Variants in GPC6 observed in about 807,000 individuals in gnomAD.
GPC6 encodes the protein glypican-6.
Under a neutral mutation model 55.2 loss-of-function variants are expected in GPC6, and 14 were observed. The observed-to-expected ratio is 0.25, with a 90% confidence interval of 0.17 to 0.40. The LOEUF (loss-of-function observed/expected upper bound fraction) is 0.40, where lower values mean the gene tolerates loss of function less well. Ranked by LOEUF, GPC6 falls within the 10% of genes least tolerant of loss-of-function variation. The pLI is 1.00. For missense variants in GPC6, 641 were observed against 708.5 expected (o/e 0.90, Z 1.08); for synonymous variants, 278 against 259.6 (o/e 1.07, Z -0.68).
chr13:94,329,605 G>T (rs1273851157), intron 6 of GPC6, among the ~76,000 whole-genome samples: 1 of 152,136 alleles, frequency 6.6e-6, no homozygotes, highest in African/African-American at 2.4e-5. Context: ...GAAAACTGTG[G>T]TTGAACAATT....
intron 1 of GPC6, among the ~76,000 whole-genome samples, chr13:93,454,922 C>T (rs1229688986): frequency 6.6e-6 from 1 of 152,374 alleles, no homozygotes; most frequent in East Asian, 1.9e-4. Context: ...AGGTCCCGAG[C>T]CCTGTCCCGC....
intron 6 of GPC6, among the ~76,000 whole-genome samples, chr13:94,309,604 A>G (rs893259118): frequency 6.6e-6 from 1 of 152,194 alleles, no homozygotes; most frequent in Non-Finnish European, 1.5e-5. Context: ...CATAAGAAGC[A>G]GTTGAGGTAG....
Position 94,204,277 on chromosome 13 carries a change from G to T in GPC6, c.878-82072G>T, listed in dbSNP as rs182066667. ...TCAGTTTAAACCAAAAACAAGTGTG[G>T]ATAAAAATGTACCTAATCCTCCAGA... On this transcript the variant is annotated intron_variant, in intron 4 of 8. Transcript: ENST00000377047. 2.0e-3 allele frequency among the ~76,000 whole-genome samples: 308 copies of T among 152,178 alleles called. 2 individuals are homozygous for T. Among genetic ancestry groups the T allele is most frequent in the Admixed American group, 3.3e-3 (51 of 15,282 alleles).
intron 1 of GPC6, among the ~76,000 whole-genome samples, chr13:93,389,215 C>G (rs1285028467): frequency 1.3e-5 from 2 of 151,908 alleles, no homozygotes; most frequent in Non-Finnish European, 2.9e-5. Context: ...AAAATATATG[C>G]TGCCAGGCAC....
chr13:94,107,173 T>G (rs1360049), intron 4 of GPC6, among the ~76,000 whole-genome samples: 21,251 of 152,114 alleles, frequency 0.14, 1,771 homozygotes, highest in East Asian at 0.33. Context: ...ACGGAGGGAC[T>G]GAAGAAGTGA....
At chr13:93,626,024 G>C (rs1035828647) in intron 2 of GPC6, among the ~76,000 whole-genome samples, 1 of 152,050 alleles carries the variant, frequency 6.6e-6, no homozygotes, top group African/African-American at 2.4e-5. Flanking sequence ...GTTCCATCAT[G>C]ATTGATACAT....
intron 1 of GPC6, among the ~76,000 whole-genome samples, chr13:93,470,326 G>A (rs762794566): frequency 4.5e-4 from 68 of 152,120 alleles, no homozygotes; most frequent in Middle Eastern, 3.4e-3. Context: ...TTTTTAAATC[G>A]TTAATGAACA....
At chr13:93,826,403 C>G (rs954542334) in intron 2 of GPC6, among the ~76,000 whole-genome samples, 9 of 152,066 alleles carry the variant, frequency 5.9e-5, no homozygotes. Flanking sequence ...GCTATAATCT[C>G]GACTGACTAA....
At chr13:94,244,351 T>A (rs1891137972) in intron 4 of GPC6, among the ~76,000 whole-genome samples, 1 of 152,176 alleles carries the variant, frequency 6.6e-6, no homozygotes, top group African/African-American at 2.4e-5. Context: ...GGCTCCTGTG[T>A]GACCTCTGTC....
intron 1 of GPC6, among the ~76,000 whole-genome samples, chr13:93,296,224 A>G (rs1417938153): frequency 6.6e-6 from 1 of 152,076 alleles, no homozygotes; most frequent in Non-Finnish European, 1.5e-5. Context: ...TCTATTTCTC[A>G]CATCTAATTT....
intron 1 of GPC6, among the ~76,000 whole-genome samples, chr13:93,325,022 C>G (rs1879606235): frequency 6.6e-6 from 1 of 152,100 alleles, no homozygotes; most frequent in Non-Finnish European, 1.5e-5. Flanking sequence ...AATTCATGCA[C>G]AGCAATTGAG....
At chr13:93,536,440 T>C (rs1173688603) in intron 1 of GPC6, among the ~76,000 whole-genome samples, 1 of 152,192 alleles carries the variant, frequency 6.6e-6, no homozygotes, top group Non-Finnish European at 1.5e-5. Context: ...ACTTTCTGTC[T>C]GCATGATTTC....
chr13:94,032,366 G>C (rs1025805180), intron 4 of GPC6, among the ~76,000 whole-genome samples: 9 of 152,174 alleles, frequency 5.9e-5, no homozygotes, highest in African/African-American at 1.9e-4. Context: ...CGGGGAGTCA[G>C]AGAAGCCCTA....
At chr13:93,361,284 A>G (rs749149672) in intron 1 of GPC6, among the ~76,000 whole-genome samples, 1 of 152,044 alleles carries the variant, frequency 6.6e-6, no homozygotes, top group Admixed American at 6.6e-5. Context: ...TCAAAACCCC[A>G]TTGCTTCTGC....
chr13:93,453,790 T>G (rs1173658855), intron 1 of GPC6, among the ~76,000 whole-genome samples: 7 of 151,938 alleles, frequency 4.6e-5, no homozygotes, highest in African/African-American at 1.7e-4. Flanking sequence ...CGGTGATTGT[T>G]ACAGCTCATA....
At chr13:93,251,612 T>C (rs745362870) in intron 1 of GPC6, among the ~76,000 whole-genome samples, 1 of 152,146 alleles carries the variant, frequency 6.6e-6, no homozygotes, top group Non-Finnish European at 1.5e-5. Context: ...TTGGTTAAAG[T>C]TTTCTTACCT....
intron 3 of GPC6, among the ~76,000 whole-genome samples, chr13:93,842,057 T>C (rs1887972414): frequency 6.6e-6 from 1 of 152,202 alleles, no homozygotes; most frequent in African/African-American, 2.4e-5. Flanking sequence ...CTCAGCTTTC[T>C]AAAAACACGT....
chr13:93,502,252 AAG>A (rs1880549700), intron 1 of GPC6, among the ~76,000 whole-genome samples: 1 of 152,028 alleles, frequency 6.6e-6, no homozygotes, highest in Non-Finnish European at 1.5e-5. Context: ...TCTCCAGAAA[AAG>A]AGAGTGAGAG....
chr13:93,426,769 A>G (rs1229162344), intron 1 of GPC6, among the ~76,000 whole-genome samples: 12 of 151,612 alleles, frequency 7.9e-5, no homozygotes, highest in East Asian at 2.0e-4. Flanking sequence ...GGGATGGCTG[A>G]GTCAAATGGT....
Sources: allele counts gnomAD v4.1 joint callset (sites outside exome capture counted in the v4.1 genomes callset), GRCh38; gene constraint gnomAD v4.1.1; transcripts MANE v1.5; gene names NCBI Gene and HGNC (gene_info 2026-07-23, HGNC 2026-07-21).